Variants in ZPBP observed in about 807,000 individuals in gnomAD.
ZPBP encodes the protein zona pellucida-binding protein 1.
Under a neutral mutation model 44.8 loss-of-function variants are expected in ZPBP, and 26 were observed. The ratio of observed to expected loss-of-function variants is 0.58; its 90% confidence interval spans 0.43 to 0.81. The LOEUF (loss-of-function observed/expected upper bound fraction) is 0.81. Ranked by LOEUF, ZPBP falls within the 30% of genes least tolerant of loss-of-function variation. The probability of loss-of-function intolerance (pLI) is 0.00; values close to 1 mark genes in which losing one functional copy is unlikely to be tolerated. For missense variants in ZPBP, 409 were observed against 434.0 expected (o/e 0.94, Z 0.51); for synonymous variants, 174 against 153.2 (o/e 1.14, Z -1.00).
the ZPBP span, among the ~76,000 whole-genome samples, chr7:49,841,207 G>A: frequency 6.6e-6 from 1 of 152,264 alleles, no homozygotes; most frequent in South Asian, 2.1e-4. Context: ...GCAAGAAAGA[G>A]GCCTGACTAT....
chr7:49,986,947 T>C (rs1359241902), intron 6 of ZPBP, among the ~76,000 whole-genome samples: 1 of 152,180 alleles, frequency 6.6e-6, no homozygotes. Context: ...GGCCTTCATC[T>C]TGTTTTATGT....
At chr7:49,950,583 A>G (rs1244175170) in intron 7 of ZPBP, among the ~76,000 whole-genome samples, 1 of 151,780 alleles carries the variant, frequency 6.6e-6, no homozygotes, top group East Asian at 1.9e-4. Context: ...TATGTATTTT[A>G]TATGTGTTAA....
chr7:50,047,718 T>G (rs994283338), intron 4 of ZPBP, among the ~76,000 whole-genome samples: 3 of 148,100 alleles, frequency 2.0e-5, no homozygotes, highest in African/African-American at 7.5e-5. Context: ...CTATGGCTCA[T>G]AACAAGCAGG....
In ZPBP at chr7:50,093,083, G is replaced by C; in HGVS notation, c.112C>G (p.Arg38Gly). The change falls in exon 1 of 8, where the codon CGG (arginine) becomes GGG (glycine). Residue 38 changes from arginine to glycine, a missense_variant. By Grantham distance (125) the Arg-to-Gly change is moderately radical. Coordinates refer to ENST00000046087, the MANE Select transcript of ZPBP (RefSeq NM_007009.3). ...GGACCCTCACCTGATGAGGGCACCC[G>C]CACCAGGAAGGCGGAGATAAAGAGG... ...ILLFISAFLV[R>G]VPSSVGHLVR... 6.2e-7 allele frequency: 1 copy of C among 1,600,604 alleles called. No individual in the cohort carries two copies. The highest frequency in any genetic ancestry group is 8.5e-7 in the Non-Finnish European group (1 of 1,173,908).
In ZPBP at chr7:49,965,594, G is replaced by T. The variant is rs1336264951; in HGVS notation, c.961+17748C>A. On this transcript the variant is annotated intron_variant, in intron 7 of 7. Transcript: ENST00000046087. Reference sequence around the variant, plus strand: ...AAAATGAAGTCTACTGGAAATGGTAGTTACATGAGTAAATACATGAGAGTT... The same window carrying T: ...AAAATGAAGTCTACTGGAAATGGTATTTACATGAGTAAATACATGAGAGTT... Among the ~76,000 whole-genome samples, 3 of 152,122 alleles carry T rather than the reference G, an allele frequency of 2.0e-5. No homozygotes were observed. In the South Asian group the frequency reaches 6.2e-4, roughly 31 times the overall value.
At chr7:50,044,984 G>T (rs1800275298) in intron 4 of ZPBP, among the ~76,000 whole-genome samples, 1 of 152,136 alleles carries the variant, frequency 6.6e-6, no homozygotes, top group East Asian at 1.9e-4. Flanking sequence ...GGGATGCAAG[G>T]CTGGTTCAAC....
intron 4 of ZPBP, among the ~76,000 whole-genome samples, chr7:50,048,195 A>AC (rs1363644589): frequency 6.6e-6 from 1 of 152,178 alleles, no homozygotes; most frequent in African/African-American, 2.4e-5. Flanking sequence ...TATTATGATA[A>AC]AAAGGTCAGT....
chr7:49,861,003 A>C (rs1212837704), intron 2 of ZPBP, among the ~76,000 whole-genome samples: 6 of 152,244 alleles, frequency 3.9e-5, no homozygotes, highest in Non-Finnish European at 8.8e-5. Context: ...GTGGTATTTT[A>C]AATGGTAGCT....
intron 5 of ZPBP, 62 bp from the exon 6 acceptor site, chr7:50,018,378 G>T: frequency 2.3e-6 from 3 of 1,297,322 alleles, no homozygotes; most frequent in South Asian, 1.3e-5. Context: ...ATTTAAATTG[G>T]ATTTTGAAAA....
chr7:50,017,592 AT>A (rs1283025546), intron 6 of ZPBP, among the ~76,000 whole-genome samples: 2 of 152,256 alleles, frequency 1.3e-5, no homozygotes, highest in East Asian at 3.9e-4. Flanking sequence ...AATAATGGAT[AT>A]TGATCTCTGT....
Position 49,921,673 on chromosome 7 carries a change from A to G in ZPBP, n.411+14078T>C, listed in dbSNP as rs988213491. ...ATGTAAAGTGTTTATAACATAATAC[A>G]TTGGAATATGAGACTTGAACATTTT... On this transcript the variant is annotated intron_variant and non_coding_transcript_variant, in intron 1 of 2. Coordinates refer to the ZPBP transcript ENST00000465922. 37 of 152,354 alleles carry G rather than the reference A, an allele frequency of 2.4e-4. 1 individual carries two copies. The highest frequency in any genetic ancestry group is 3.4e-4 in the Non-Finnish European group (23 of 68,040). The allele number at this position is 152,354 out of a possible 1,614,324, so 9.4% of individuals were successfully genotyped here. A position where few individuals can be genotyped will look rare whatever the true frequency, so the allele number is the denominator to read the frequency against.
rs865842053 is a variant in ZPBP at position 49,896,972 on chromosome 7, T to C, written n.509+4146A>G. ...CTGCAGTGGCGCAATCTCGGCTCACTGCAAGCTCCGCTTCCCGGGTTCACG... is the reference window on the plus strand; with the variant it reads ...CTGCAGTGGCGCAATCTCGGCTCACCGCAAGCTCCGCTTCCCGGGTTCACG... On this transcript the variant is annotated intron_variant and non_coding_transcript_variant, in intron 2 of 2. Transcript: ENST00000465922. Among the ~76,000 whole-genome samples, 10 of 146,646 alleles carry C rather than the reference T, an allele frequency of 6.8e-5. 1 individual carries two copies. Among genetic ancestry groups the C allele is most frequent in the Middle Eastern group, 7.2e-3 (2 of 276 alleles).
At chr7:49,951,665 A>T (rs1405814637) in intron 7 of ZPBP, among the ~76,000 whole-genome samples, 1 of 151,552 alleles carries the variant, frequency 6.6e-6, no homozygotes, top group Non-Finnish European at 1.5e-5. Context: ...GGTTTGGCTT[A>T]TACTCAAAAA....
chr7:49,865,391 G>A (rs918132528), intron 2 of ZPBP, among the ~76,000 whole-genome samples: 4 of 152,220 alleles, frequency 2.6e-5, no homozygotes, highest in Non-Finnish European at 5.9e-5. Flanking sequence ...AGTAACATGA[G>A]CACTGAATCA....
intron 7 of ZPBP, among the ~76,000 whole-genome samples, chr7:49,977,027 A>G (rs1165804779): frequency 6.6e-6 from 1 of 151,844 alleles, no homozygotes; most frequent in Non-Finnish European, 1.5e-5. Context: ...GCGTGAACCC[A>G]GGAGACGGAG....
Position 50,057,982 on chromosome 7 carries a change from T to C in ZPBP, c.487+7A>G. 2 of 1,606,954 alleles carry C rather than the reference T, an allele frequency of 1.2e-6. No individual in the cohort carries two copies. The highest frequency in any genetic ancestry group is 1.7e-6 in the Non-Finnish European group (2 of 1,175,718). On this transcript the variant is annotated splice_region_variant and intron_variant, in intron 4 of 7. Coordinates refer to ENST00000046087, the MANE Select transcript of ZPBP (RefSeq NM_007009.3). The stretch of plus-strand genomic sequence containing the variant: ...AAGGTTAAAACACAACTAACTTTAC[T>C]TCTTACCATATATAGCATATTTTAG...
Position 50,017,484 on chromosome 7 carries a change from T to C in ZPBP, c.783+756A>G, listed in dbSNP as rs577757025. 2.0e-5 allele frequency among the ~76,000 whole-genome samples: 3 copies of C among 152,242 alleles called. No homozygotes were observed. The South Asian group carries it at 6.2e-4, about 32-fold the overall frequency. On this transcript the variant is annotated intron_variant, in intron 6 of 7. Coordinates refer to ENST00000046087, the MANE Select transcript of ZPBP (RefSeq NM_007009.3). Reference sequence around the variant, plus strand: ...CAGGCCATGGATTGGTACCAGTCTGTGGCCAAGGAGTTGGGGATGCCTGAC... The same window carrying C: ...CAGGCCATGGATTGGTACCAGTCTGCGGCCAAGGAGTTGGGGATGCCTGAC...
intron 1 of ZPBP, among the ~76,000 whole-genome samples, chr7:49,928,111 A>G (rs1237487487): frequency 6.6e-6 from 1 of 152,168 alleles, no homozygotes; most frequent in African/African-American, 2.4e-5. Flanking sequence ...ATGCCTTGGT[A>G]ACCATGCAGA....
intron 1 of ZPBP, among the ~76,000 whole-genome samples, chr7:49,926,052 C>A (rs1316618388): frequency 6.6e-6 from 1 of 152,222 alleles, no homozygotes; most frequent in East Asian, 1.9e-4. Context: ...GCATAATGGG[C>A]AGTTCTGTGT....
Sources: gnomAD v4.1 joint callset for allele counts (sites outside exome capture counted in the v4.1 genomes callset) on GRCh38, gnomAD v4.1.1 for gene constraint, MANE v1.5 for transcripts, NCBI Gene and HGNC (gene_info 2026-07-23, HGNC 2026-07-21) for gene names.